ME2: variants seen among roughly 807,000 people sequenced by gnomAD.
ME2 encodes NAD-dependent malic enzyme, mitochondrial.
Under a neutral mutation model 73.7 loss-of-function variants are expected in ME2, and 60 were observed. The observed-to-expected ratio is 0.81, with a 90% CI of 0.66 to 1.01. ME2 has a LOEUF of 1.01. ME2 is among the 50% of genes least tolerant of loss of function. The pLI is 0.00. For missense variants in ME2, 594 were observed against 705.5 expected, an observed-to-expected ratio of 0.84 and a Z score of 1.79; for synonymous variants, 199 against 236.9, an observed-to-expected ratio of 0.84 and a Z score of 1.47.
intron 15 of ME2, among the ~76,000 whole-genome samples, chr18:50,941,888 G>T (rs1003948610): frequency 6.6e-6 from 1 of 151,472 alleles, no homozygotes; most frequent in Non-Finnish European, 1.5e-5. Context: ...AGGTAAAATT[G>T]TTTCTCATTA....
chr18:50,911,471 G>T (rs1313728399), intron 3 of ME2, among the ~76,000 whole-genome samples: 1 of 152,192 alleles, frequency 6.6e-6, no homozygotes, highest in Non-Finnish European at 1.5e-5. Flanking sequence ...GTCTAGACTG[G>T]AGGAAGCCAG....
At chr18:50,900,927 T>G (rs1916874269) in intron 2 of ME2, among the ~76,000 whole-genome samples, 1 of 152,232 alleles carries the variant, frequency 6.6e-6, no homozygotes, top group Non-Finnish European at 1.5e-5. Flanking sequence ...TTCTTATAAA[T>G]TACTCAGTCT....
chr18:50,909,290 A>G (rs1031149594), intron 3 of ME2, among the ~76,000 whole-genome samples: 33 of 152,316 alleles, frequency 2.2e-4, no homozygotes, highest in Admixed American at 1.4e-3. Context: ...TGACCAACCC[A>G]GTAACTCATA....
chr18:50,882,029 C>G (rs1790496), intron 1 of ME2, among the ~76,000 whole-genome samples: 2 of 151,928 alleles, frequency 1.3e-5, no homozygotes, highest in Non-Finnish European at 2.9e-5. Context: ...GAGAGAGGGT[C>G]TCACTTTTAC....
intron 1 of ME2, among the ~76,000 whole-genome samples, chr18:50,879,823 C>T (rs1270756837): frequency 6.6e-6 from 1 of 152,134 alleles, no homozygotes; most frequent in Non-Finnish European, 1.5e-5. Context: ...GGACCGATTC[C>T]GTCTATTATT....
intron 15 of ME2, among the ~76,000 whole-genome samples, chr18:50,946,467 G>A (rs575615196): frequency 3.2e-4 from 48 of 152,284 alleles, no homozygotes; most frequent in African/African-American, 1.1e-3. Context: ...TATCTCCTGG[G>A]GTTCTTGTCG....
At chr18:50,930,801 A>G (rs941753629) in intron 12 of ME2, among the ~76,000 whole-genome samples, 3 of 152,252 alleles carry the variant, frequency 2.0e-5, no homozygotes, top group South Asian at 2.1e-4. Context: ...GACATTAACC[A>G]TGAACTAACC....
chr18:50,899,611 CA>C (rs910598421), intron 2 of ME2, among the ~76,000 whole-genome samples: 1 of 151,792 alleles, frequency 6.6e-6, no homozygotes, highest in Non-Finnish European at 1.5e-5. Flanking sequence ...GCCCCTGTCT[CA>C]AAAAAAATTG....
At chr18:50,906,318 C>G (rs1345744700) in intron 2 of ME2, among the ~76,000 whole-genome samples, 1 of 151,972 alleles carries the variant, frequency 6.6e-6, no homozygotes, top group East Asian at 1.9e-4. Flanking sequence ...CAAACTAATT[C>G]TTTTCTTTTT....
chr18:50,934,507 G>A (rs976382286), intron 13 of ME2: 1 of 151,954 alleles, frequency 6.6e-6, no homozygotes, highest in Non-Finnish European at 1.5e-5. Flanking sequence ...AATTAACCAG[G>A]TGTAGTGGTG....
intron 4 of ME2, 57 bp from the exon 5 acceptor site, chr18:50,916,111 C>T (rs1348125511): frequency 2.5e-6 from 3 of 1,210,086 alleles, no homozygotes; most frequent in Non-Finnish European, 3.6e-6. Flanking sequence ...CAATTATGAA[C>T]AAAAACTTAG....
In ME2 at chr18:50,900,270, TTTTATTTA is replaced by T. The variant is rs201561556; in HGVS notation, c.108+4377_108+4384del. ...GGAAGAAGGAAAAAAGTAAGAATAA[TTTTATTTA>T]TTTATTTATTTATTTATTTATTTAT... On this transcript the variant is annotated intron_variant, in intron 2 of 15. Coordinates refer to ENST00000321341, the MANE Select transcript of ME2 (RefSeq NM_002396.5). 5.0e-3 allele frequency among the ~76,000 whole-genome samples: 698 copies of T among 140,880 alleles called. 5 individuals carry two copies. The highest frequency in any genetic ancestry group is 0.011 in the African/African-American group (410 of 37,928). The allele number at this position is 140,880 out of a possible 152,430, so 92.4% of individuals were successfully genotyped here.
chr18:50,916,360 G>T (rs1354367972), intron 5 of ME2, 117 bp downstream of exon 5: 1 of 744,458 alleles, frequency 1.3e-6, no homozygotes, highest in Non-Finnish European at 2.3e-6. Context: ...TTATATACAT[G>T]CAGATTTAGT....
At chr18:50,925,694 T>C in intron 11 of ME2, 62 bp from the exon 12 acceptor site, 1 of 1,353,310 alleles carries the variant, frequency 7.4e-7, no homozygotes. Flanking sequence ...AGAAATGCTA[T>C]TGATAAGCAT....
At chr18:50,895,755 TG>T in intron 1 of ME2, 53 bp from the exon 2 acceptor site, 1 of 1,087,078 alleles carries the variant, frequency 9.2e-7, no homozygotes, top group Non-Finnish European at 1.4e-6. Flanking sequence ...CCGATGGACA[TG>T]AAGGCCTATA....
At chr18:50,898,306 A>G (rs1403108981) in intron 2 of ME2, among the ~76,000 whole-genome samples, 1 of 152,238 alleles carries the variant, frequency 6.6e-6, no homozygotes, top group Non-Finnish European at 1.5e-5. Context: ...TATAAAATTG[A>G]CAATTTTAAC....
intron 1 of ME2, among the ~76,000 whole-genome samples, chr18:50,890,143 C>T (rs1281451222): frequency 6.6e-6 from 1 of 152,114 alleles, no homozygotes; most frequent in Admixed American, 6.5e-5. Flanking sequence ...ATAAAGACAG[C>T]ATGATGCAAA....
intron 4 of ME2, among the ~76,000 whole-genome samples, chr18:50,913,614 G>A (rs1054940706): frequency 2.4e-4 from 37 of 152,076 alleles, no homozygotes; most frequent in African/African-American, 8.0e-4. Context: ...ATTTACAGGC[G>A]TGAGCCACTG....
chr18:50,921,240 G>T, intron 10 of ME2, 53 bp downstream of exon 10: 1 of 918,742 alleles, frequency 1.1e-6, no homozygotes, highest in Non-Finnish European at 1.6e-6. Flanking sequence ...TTTTTAGTTG[G>T]ATTTTTAAAA....
Sources: allele counts gnomAD v4.1 joint callset (sites outside exome capture counted in the v4.1 genomes callset), GRCh38; gene constraint gnomAD v4.1.1; transcripts MANE v1.5; gene names NCBI Gene and HGNC (gene_info 2026-07-23, HGNC 2026-07-21).